SPATA17: variants seen among roughly 807,000 people sequenced by gnomAD.
SPATA17 encodes spermatogenesis-associated protein 17.
Under a neutral mutation model 62.2 loss-of-function variants are expected in SPATA17, and 53 were observed. That is an observed-to-expected ratio of 0.85 (90% CI 0.68 to 1.07). The LOEUF (loss-of-function observed/expected upper bound fraction) is 1.07. SPATA17 is among the 50% of genes least tolerant of loss of function. The pLI is 0.00. For synonymous variants in SPATA17, 146 were observed against 146.8 expected, an observed-to-expected ratio of 0.99 and a Z score of 0.04; for missense variants, 466 against 425.5, an observed-to-expected ratio of 1.10 and a Z score of -0.84.
intron 1 of SPATA17, among the ~76,000 whole-genome samples, chr1:217,640,968 G>C (rs1161131892): frequency 1.3e-5 from 2 of 151,866 alleles, no homozygotes; most frequent in African/African-American, 4.8e-5. Flanking sequence ...TTTTCTCTAT[G>C]TTTTTCTGTA....
chr1:217,648,438 G>A (rs6703647), intron 1 of SPATA17, among the ~76,000 whole-genome samples: 88,022 of 152,014 alleles, frequency 0.58, 26,276 homozygotes, highest in Non-Finnish European at 0.62. Context: ...TCTGTGATGG[G>A]TTCATTTAAC....
intron 9 of SPATA17, among the ~76,000 whole-genome samples, chr1:217,805,857 T>C (rs983213506): frequency 3.9e-5 from 6 of 152,232 alleles, no homozygotes; most frequent in African/African-American, 1.2e-4. Context: ...AAAATGTCCA[T>C]ACAACCAAAG....
intron 6 of SPATA17, among the ~76,000 whole-genome samples, chr1:217,771,527 A>T (rs1335585040): frequency 2.0e-5 from 3 of 152,120 alleles, no homozygotes; most frequent in Non-Finnish European, 4.4e-5. Flanking sequence ...ATAATAAGTA[A>T]ATGAATACTG....
chr1:217,705,430 CTTTTTTTTTTTTTTTT>C (rs58138326), intron 5 of SPATA17, among the ~76,000 whole-genome samples: 1 of 46,606 alleles, frequency 2.1e-5, no homozygotes, highest in Non-Finnish European at 3.6e-5. Context: ...TTCTAGTTGT[CTTTTTTTTTTTTTTTT>C]TTTTTTTTTT....
chr1:217,679,673 C>G (rs1285998903), intron 4 of SPATA17, among the ~76,000 whole-genome samples: 2 of 152,258 alleles, frequency 1.3e-5, no homozygotes, highest in Middle Eastern at 6.8e-3. Flanking sequence ...TTTTAGCCAG[C>G]CTTTGGAGAT....
At chr1:217,850,529 G>A in intron 9 of SPATA17, 3 of 1,581,428 alleles carry the variant, frequency 1.9e-6, no homozygotes, top group Admixed American at 3.4e-5. Flanking sequence ...CGGGGAGGAT[G>A]CCTTCCTTAT....
At chr1:217,799,688 G>C (rs1674256364) in intron 8 of SPATA17, among the ~76,000 whole-genome samples, 1 of 151,836 alleles carries the variant, frequency 6.6e-6, no homozygotes, top group African/African-American at 2.4e-5. Context: ...TTGCAGAGAG[G>C]TATTAAAATT....
chr1:217,670,982 A>G (rs1052892978), intron 4 of SPATA17, among the ~76,000 whole-genome samples: 3 of 150,244 alleles, frequency 2.0e-5, no homozygotes, highest in African/African-American at 7.3e-5. Context: ...AGAAATCCCC[A>G]CACCCTTTTC....
At chr1:217,686,106 G>T (rs1312019176) in intron 5 of SPATA17, among the ~76,000 whole-genome samples, 1 of 152,050 alleles carries the variant, frequency 6.6e-6, no homozygotes, top group Non-Finnish European at 1.5e-5. Flanking sequence ...AATAACAGGG[G>T]ACTATGTAAT....
chr1:217,697,208 T>C (rs190964325), intron 5 of SPATA17, among the ~76,000 whole-genome samples: 32 of 152,322 alleles, frequency 2.1e-4, no homozygotes, highest in African/African-American at 7.5e-4. Flanking sequence ...GTTGAACTCC[T>C]GACCTCAGGT....
At chr1:217,853,699 T>C (rs371719570) in intron 9 of SPATA17, among the ~76,000 whole-genome samples, 3 of 152,178 alleles carry the variant, frequency 2.0e-5, no homozygotes, top group Admixed American at 6.6e-5. Context: ...TTGGTCAACA[T>C]TTTTGCCAAC....
chr1:217,688,124 G>C lies in SPATA17; in HGVS notation c.395+4763G>C, dbSNP rs146812797. On this transcript the variant is annotated intron_variant, in intron 5 of 10. Transcript: ENST00000366933. ...GCATGCCTGTAGTCCCAACTACTTG[G>C]GAGGCTGCAGCAGGAGGATCACTTG... is the stretch of plus-strand genomic sequence containing the variant. Among the ~76,000 whole-genome samples the C allele has an allele frequency of 5.8e-3, 882 of 152,250 alleles. 9 individuals are homozygous for C. The highest frequency in any genetic ancestry group is 0.02 in the African/African-American group (844 of 41,548).
In SPATA17 at chr1:217,867,815, G is replaced by C. The variant is rs1421932027; in HGVS notation, c.*796G>C. On this transcript the variant is annotated 3_prime_UTR_variant, in exon 11 of 11. Coordinates refer to ENST00000366933, the MANE Select transcript of SPATA17 (RefSeq NM_138796.4). ...CTTTACAATAAAACTTCCTGCTAGA[G>C]GTATCCTGAGGGAATCTTTGTTTCT... 2 of 152,140 alleles carry C rather than the reference G, an allele frequency of 1.3e-5. No individual in the cohort carries two copies. Among genetic ancestry groups the C allele is most frequent in the Non-Finnish European group, 1.5e-5 (1 of 68,044 alleles). 9.4% of individuals were successfully genotyped at this position (152,140 alleles called of 1,614,324 possible).
chr1:217,798,925 G>C (rs1448008944), intron 8 of SPATA17, among the ~76,000 whole-genome samples: 2 of 150,668 alleles, frequency 1.3e-5, no homozygotes, highest in East Asian at 3.9e-4. Flanking sequence ...GCCTAGGCTG[G>C]AGAGCAGTGG....
At chr1:217,841,166 T>C (rs1675387223) in intron 9 of SPATA17, among the ~76,000 whole-genome samples, 1 of 151,914 alleles carries the variant, frequency 6.6e-6, no homozygotes, top group South Asian at 2.1e-4. Flanking sequence ...TATGCAGAAA[T>C]GAAGTAAGGT....
chr1:217,867,948 A>G lies in SPATA17; in HGVS notation c.*929A>G, dbSNP rs544438591. 6.6e-6 allele frequency: 1 copy of G among 152,276 alleles called. No homozygotes were observed. Among genetic ancestry groups the G allele is most frequent in the South Asian group, 2.1e-4 (1 of 4,830 alleles). The allele number at this position is 152,276 out of a possible 1,614,324, so 9.4% of individuals were successfully genotyped here. On this transcript the variant is annotated 3_prime_UTR_variant, in exon 11 of 11. Coordinates refer to ENST00000366933, the MANE Select transcript of SPATA17 (RefSeq NM_138796.4). ...TGATTTATTGACCATAAAAGCTTTA[A>G]TTTAAAATTGCTGGCCAGCGAAATC...
At chr1:217,689,030 T>G (rs1173182081) in intron 5 of SPATA17, among the ~76,000 whole-genome samples, 4 of 152,242 alleles carry the variant, frequency 2.6e-5, no homozygotes, top group African/African-American at 7.2e-5. Context: ...TTTAAGAATA[T>G]TGCTTTTTTC....
intron 7 of SPATA17, among the ~76,000 whole-genome samples, chr1:217,781,906 G>A (rs902859256): frequency 6.6e-6 from 1 of 152,060 alleles, no homozygotes; most frequent in Admixed American, 6.6e-5. Flanking sequence ...AAGTTTATCA[G>A]TTATAACATG....
chr1:217,652,143 GAAC>G lies in SPATA17; in HGVS notation c.240+969_240+971del, dbSNP rs545570372. 3.9e-4 allele frequency among the ~76,000 whole-genome samples: 59 copies of G among 152,286 alleles called. No homozygotes were observed. The South Asian group carries it at 0.011, about 29-fold the overall frequency. On this transcript the variant is annotated intron_variant, in intron 3 of 10. Coordinates refer to ENST00000366933, the MANE Select transcript of SPATA17 (RefSeq NM_138796.4). ...CACTTATATAGATGAATAGAAGAAT[GAAC>G]AACGTTTCTGTTTCTACTATGCTGT...
Sources: gnomAD v4.1 joint callset for allele counts (sites outside exome capture counted in the v4.1 genomes callset) on GRCh38, gnomAD v4.1.1 for gene constraint, MANE v1.5 for transcripts, NCBI Gene and HGNC (gene_info 2026-07-23, HGNC 2026-07-21) for gene names.